The following PGCKA1 variants were observed in gnomAD, a reference collection of about 807,000 sequenced individuals.
PGCKA1 encodes the protein PDCD10 and GCKIII kinases associated 1, also known as PDCD10 and GCKIII kinases-associated protein 1.
At chr4:37,572,048 CTTTTTT>C in the PGCKA1 span, among the ~76,000 whole-genome samples, 1 of 111,628 alleles carries the variant, frequency 9.0e-6, no homozygotes, top group South Asian at 3.1e-4. Flanking sequence ...AACTTCACAC[CTTTTTT>C]TTTTTTTTCT....
At chr4:37,500,594 G>T in the PGCKA1 span, among the ~76,000 whole-genome samples, 2 of 152,228 alleles carry the variant, frequency 1.3e-5, no homozygotes. Context: ...TGTATATTCT[G>T]TTGTTTGGTG....
chr4:37,573,913 G>T, the PGCKA1 span, among the ~76,000 whole-genome samples: 2 of 152,186 alleles, frequency 1.3e-5, no homozygotes, highest in South Asian at 4.2e-4. Flanking sequence ...TTTTTATCTG[G>T]GTGCAGTGGC....
chr4:37,524,924 G>T, the PGCKA1 span, among the ~76,000 whole-genome samples: 1 of 152,144 alleles, frequency 6.6e-6, no homozygotes, highest in African/African-American at 2.4e-5. Context: ...AAAGGGAAGG[G>T]AAGGGAAGGG....
chr4:37,508,681 A>ATTTTTTTTTTTTTTTTTTTTTTT, the PGCKA1 span, among the ~76,000 whole-genome samples: 2 of 45,460 alleles, frequency 4.4e-5, no homozygotes, highest in Non-Finnish European at 4.3e-5. Context: ...TTTTTGCTGA[A>ATTTTTTTTTTTTTTTTTTTTTTT]TCTTTTTTTT....
the PGCKA1 span, among the ~76,000 whole-genome samples, chr4:37,513,990 C>T: frequency 6.6e-6 from 1 of 152,160 alleles, no homozygotes; most frequent in African/African-American, 2.4e-5. Flanking sequence ...TAACAGAACA[C>T]CCTGGGACTG....
chr4:37,586,060 G>A, the PGCKA1 span, among the ~76,000 whole-genome samples: 2 of 151,238 alleles, frequency 1.3e-5, no homozygotes, highest in Non-Finnish European at 2.9e-5. Flanking sequence ...GTTTTAATAT[G>A]CTGTATCCAA....
the PGCKA1 span, among the ~76,000 whole-genome samples, chr4:37,508,693 G>GTTTTTTTTTTTTTTTTTTTTTTTTTTTTT: frequency 9.9e-4 from 53 of 53,288 alleles, no homozygotes; most frequent in South Asian, 2.3e-3. Flanking sequence ...CTTTTTTTTA[G>GTTTTTTTTTTTTTTTTTTTTTTTTTTTTT]TATTTATTGA....
chr4:37,513,765 G>A, the PGCKA1 span, among the ~76,000 whole-genome samples: 468 of 152,312 alleles, frequency 3.1e-3, 9 homozygotes, highest in Admixed American at 0.028. Flanking sequence ...TAATGGTAGG[G>A]TCAGAAATTG....
chr4:37,477,234 T>C, the PGCKA1 span, among the ~76,000 whole-genome samples: 1 of 152,156 alleles, frequency 6.6e-6, no homozygotes, highest in Non-Finnish European at 1.5e-5. Flanking sequence ...AGAGTACTGA[T>C]AACATGCTAC....
the PGCKA1 span, among the ~76,000 whole-genome samples, chr4:37,488,950 T>C: frequency 7.2e-5 from 11 of 151,984 alleles, no homozygotes; most frequent in Non-Finnish European, 1.3e-4. Flanking sequence ...AAAAACACAG[T>C]GTTACTAGGA....
the PGCKA1 span, among the ~76,000 whole-genome samples, chr4:37,530,344 G>A: frequency 9.2e-5 from 14 of 152,138 alleles, no homozygotes; most frequent in Non-Finnish European, 1.5e-4. Context: ...GGCCAAGGCC[G>A]GTGAATCATT....
chr4:37,523,623 G>A, the PGCKA1 span, among the ~76,000 whole-genome samples: 1 of 152,066 alleles, frequency 6.6e-6, no homozygotes, highest in Admixed American at 6.5e-5. Context: ...TACGCTGTCT[G>A]TTTTTTCCTC....
the PGCKA1 span, among the ~76,000 whole-genome samples, chr4:37,578,511 T>C: frequency 1.3e-5 from 2 of 152,216 alleles, no homozygotes; most frequent in Non-Finnish European, 2.9e-5. Context: ...AGCCACTCTA[T>C]GTCTTTTGAG....
the PGCKA1 span, among the ~76,000 whole-genome samples, chr4:37,564,032 G>A: frequency 6.6e-6 from 1 of 152,104 alleles, no homozygotes; most frequent in African/African-American, 2.4e-5. Context: ...CAGCGTTTTG[G>A]GAGGCTGGGA....
At chr4:37,588,108 T>C in the PGCKA1 span, 1 of 152,250 alleles carries the variant, frequency 6.6e-6, no homozygotes. Context: ...GAGAAGATTT[T>C]GTTCCAAAGG....
the PGCKA1 span, among the ~76,000 whole-genome samples, chr4:37,560,490 A>G: frequency 6.6e-6 from 1 of 152,196 alleles, no homozygotes; most frequent in South Asian, 2.1e-4. Flanking sequence ...AACTACATGC[A>G]TTGGCATCAC....
chr4:37,588,351 T>C, the PGCKA1 span: 2 of 154,928 alleles, frequency 1.3e-5, no homozygotes. Context: ...AGGGCCTGAA[T>C]CATGGGACAC....
the PGCKA1 span, among the ~76,000 whole-genome samples, chr4:37,515,377 T>C: frequency 6.6e-5 from 10 of 152,266 alleles, no homozygotes; most frequent in East Asian, 5.8e-4. Flanking sequence ...ATTCTATTGG[T>C]TGAAGTAGTC....
At chr4:37,588,720 A>G in the PGCKA1 span, 1 of 663,968 alleles carries the variant, frequency 1.5e-6, no homozygotes, top group African/African-American at 1.8e-5. Flanking sequence ...CGTGGTAGTT[A>G]TCCTTTTGCC....
Sources: allele counts gnomAD v4.1 joint callset (sites outside exome capture counted in the v4.1 genomes callset), GRCh38; gene constraint gnomAD v4.1.1; transcripts MANE v1.5; gene names NCBI Gene and HGNC (gene_info 2026-07-23, HGNC 2026-07-21).